The following TSPAN9 variants were observed in gnomAD, a reference collection of about 807,000 sequenced individuals.
TSPAN9 encodes tetraspanin 9, also known as tetraspanin-9.
Under a neutral mutation model 31.0 loss-of-function variants are expected in TSPAN9, and 16 were observed. The ratio of observed to expected loss-of-function variants is 0.52; its 90% CI spans 0.35 to 0.78. The LOEUF (loss-of-function observed/expected upper bound fraction) is 0.78. Ranked by LOEUF, TSPAN9 falls within the 30% of genes least tolerant of loss-of-function variation. TSPAN9 has a pLI of 0.01. For missense variants in TSPAN9, 272 were observed against 312.5 expected, an observed-to-expected ratio of 0.87 and a Z score of 0.98; for synonymous variants, 145 against 121.6, an observed-to-expected ratio of 1.19 and a Z score of -1.27.
chr12:3,145,506 A>G lies in TSPAN9; in HGVS notation c.-17-55671A>G, dbSNP rs779857910. On this transcript the variant is annotated intron_variant, in intron 2 of 8. Transcript: ENST00000011898. ...GGCAGAGGAGCACCCACCTCAGTAC[A>G]TCTTGCTGAGTTTGGGGCAGAAGAC... Among the ~76,000 whole-genome samples, 4 of 152,110 alleles carry G rather than the reference A, an allele frequency of 2.6e-5. No homozygotes were observed. In the East Asian group the frequency reaches 5.8e-4, roughly 22 times the overall value.
chr12:3,201,405 C>A (rs1023623960), intron 3 of TSPAN9, 149 bp downstream of exon 3: 1 of 681,460 alleles, frequency 1.5e-6, no homozygotes, highest in South Asian at 2.0e-5. Flanking sequence ...CCCCCGCCCC[C>A]CTTTCATGCA....
Position 3,183,916 on chromosome 12 carries a change from C to T in TSPAN9, c.-17-17261C>T, listed in dbSNP as rs77388416. 7.4e-3 allele frequency among the ~76,000 whole-genome samples: 1,132 copies of T among 152,148 alleles called. 21 individuals carry two copies. The highest frequency in any genetic ancestry group is 0.026 in the African/African-American group (1,089 of 41,486). The stretch of plus-strand genomic sequence containing the variant: ...CTTCCTAGGGCTTTTGTGATGGTCG[C>T]GTATGTGAAATCCCTTTGAACAGCA... On this transcript the variant is annotated intron_variant, in intron 2 of 8. Coordinates refer to ENST00000011898, the MANE Select transcript of TSPAN9 (RefSeq NM_006675.5).
In TSPAN9 at chr12:3,281,767, G is replaced by A. The variant is rs369194241; in HGVS notation, c.598G>A (p.Asp200Asn). 2.5e-6 allele frequency: 4 copies of A among 1,613,916 alleles called. No individual in the cohort carries two copies. Among genetic ancestry groups the A allele is most frequent in the Non-Finnish European group, 3.4e-6 (4 of 1,179,924 alleles). ...CYEKVKMWFDDNKHVLGTVGM... is the reference protein window; with the variant it reads ...CYEKVKMWFDNNKHVLGTVGM... ...TGAAAAGGTGAAGATGTGGTTCGAT[G>A]ACAATAAGCACGTGCTGGGCACGGT... The change falls in exon 8 of 9, where the codon GAC becomes AAC. Residue 200 changes from aspartate (D) to asparagine (N), a missense_variant. By Grantham distance (23) the Asp-to-Asn change is conservative. Coordinates refer to ENST00000011898, the MANE Select transcript of TSPAN9 (RefSeq NM_006675.5).
chr12:3,268,139 G>GCTGCAGCCTGCCCTCTGTGCGTTC (rs1565639125), intron 3 of TSPAN9, among the ~76,000 whole-genome samples: 9 of 138,608 alleles, frequency 6.5e-5, no homozygotes, highest in Admixed American at 5.4e-4. Context: ...TTCCGTAGGT[G>GCTGCAGCCTGCCCTCTGTGCGTTC]CTGCAGCCTG....
intron 2 of TSPAN9, among the ~76,000 whole-genome samples, chr12:3,181,182 G>C (rs950084788): frequency 6.6e-5 from 10 of 152,096 alleles, no homozygotes; most frequent in Non-Finnish European, 1.3e-4. Flanking sequence ...CTCCAGAGGG[G>C]AAGACTAATT....
intron 1 of TSPAN9, among the ~76,000 whole-genome samples, chr12:3,081,844 G>GTATATATATATATA (rs57307487): frequency 0.034 from 3,928 of 116,680 alleles, 195 homozygotes; most frequent in African/African-American, 0.051. Flanking sequence ...GTCTGTGTGT[G>GTATATATATATATA]TATATATATG....
intron 2 of TSPAN9, among the ~76,000 whole-genome samples, chr12:3,097,047 C>G (rs1417194660): frequency 6.6e-6 from 1 of 152,096 alleles, no homozygotes; most frequent in Non-Finnish European, 1.5e-5. Flanking sequence ...TGCTGCCTTT[C>G]CCAAAAGAGG....
At chr12:3,226,738 GTGTGTGTATATATATATATATA>G (rs2098387634) in intron 3 of TSPAN9, among the ~76,000 whole-genome samples, 242 of 10,592 alleles carry the variant, frequency 0.023, 38 homozygotes, top group Admixed American at 0.033. Flanking sequence ...GTGTGTGTGT[GTGTGTGTATATATATATATATA>G]TATATATATA....
chr12:3,165,941 A>G (rs753161038), intron 2 of TSPAN9, among the ~76,000 whole-genome samples: 251 of 152,346 alleles, frequency 1.6e-3, no homozygotes, highest in Non-Finnish European at 3.4e-3. Flanking sequence ...ACCGAGGCTC[A>G]GGCCAGGCTC....
intron 2 of TSPAN9, among the ~76,000 whole-genome samples, chr12:3,188,027 T>C (rs2098362331): frequency 1.3e-5 from 2 of 152,140 alleles, no homozygotes; most frequent in African/African-American, 4.8e-5. Flanking sequence ...TGGGGAACTC[T>C]GCAGGGACTG....
At chr12:3,096,785 C>T (rs1036142774) in intron 2 of TSPAN9, among the ~76,000 whole-genome samples, 1 of 151,984 alleles carries the variant, frequency 6.6e-6, no homozygotes, top group African/African-American at 2.4e-5. Flanking sequence ...CTCCGCCTCC[C>T]GGGTTCACGC....
chr12:3,154,000 T>TTATATA (rs527536828), intron 2 of TSPAN9, among the ~76,000 whole-genome samples: 3 of 103,702 alleles, frequency 2.9e-5, no homozygotes, highest in Non-Finnish European at 6.0e-5. Context: ...TATATTAGTA[T>TTATATA]TATATATATA....
chr12:3,136,711 C>T (rs114201827), intron 2 of TSPAN9, among the ~76,000 whole-genome samples: 67 of 152,236 alleles, frequency 4.4e-4, no homozygotes, highest in African/African-American at 1.5e-3. Context: ...TTCAGGTGCC[C>T]GTGGGAAGCT....
intron 3 of TSPAN9, among the ~76,000 whole-genome samples, chr12:3,255,620 C>A (rs1291537670): frequency 6.6e-6 from 1 of 152,182 alleles, no homozygotes; most frequent in Admixed American, 6.5e-5. Flanking sequence ...GGATTTCTTT[C>A]TTGTTTGGTG....
intron 2 of TSPAN9, among the ~76,000 whole-genome samples, chr12:3,151,658 A>G (rs901009198): frequency 6.6e-6 from 1 of 152,166 alleles, no homozygotes; most frequent in Non-Finnish European, 1.5e-5. Flanking sequence ...GCCCATTTCC[A>G]GGGTCTTCTT....
At chr12:3,129,130 T>C (rs1565585748) in intron 2 of TSPAN9, among the ~76,000 whole-genome samples, 1 of 152,346 alleles carries the variant, frequency 6.6e-6, no homozygotes, top group East Asian at 1.9e-4. Flanking sequence ...AATATTCCAT[T>C]GTGTGTATAT....
intron 3 of TSPAN9, among the ~76,000 whole-genome samples, chr12:3,209,149 C>T (rs2878483): frequency 0.54 from 81,131 of 150,912 alleles, 22,547 homozygotes; most frequent in Middle Eastern, 0.68. Flanking sequence ...GCAGGAGAAT[C>T]GCTTGAACCC....
chr12:3,178,938 CACATGTGGGGATCT>C (rs1193323010), intron 2 of TSPAN9, among the ~76,000 whole-genome samples: 2 of 152,192 alleles, frequency 1.3e-5, no homozygotes, highest in Non-Finnish European at 2.9e-5. Flanking sequence ...TGGTCCCCAT[CACATGTGGGGATCT>C]GGTTGCTTAT....
At position 3,278,595 on chromosome 12, in the gene TSPAN9, A is replaced by C. The variant is rs1015894495; in HGVS notation, c.238A>C (p.Lys80Gln). The C allele has an allele frequency of 7.4e-6, 12 of 1,613,908 alleles. No homozygotes were observed. The highest frequency in any genetic ancestry group is 1.7e-5 in the Admixed American group (1 of 59,992). Residue 80 changes from lysine (K) to glutamine (Q), a missense_variant, in exon 4 of 9, where the codon AAG (lysine) becomes CAG (glutamine). Lys to Gln is a moderately conservative substitution (Grantham distance 53, BLOSUM62 1). Transcript: ENST00000011898. The stretch of plus-strand genomic sequence containing the variant: ...CTGCCTGGGGGCCATCAAGGAAAAC[A>C]AGTGCCTCCTCCTCAGCGTAAGTTC... ...LGCLGAIKEN[K>Q]CLLLSFFIVL...
Sources: gnomAD v4.1 joint callset for allele counts (sites outside exome capture counted in the v4.1 genomes callset) on GRCh38, gnomAD v4.1.1 for gene constraint, MANE v1.5 for transcripts, NCBI Gene and HGNC (gene_info 2026-07-23, HGNC 2026-07-21) for gene names.